TOX3: variants seen among roughly 807,000 people sequenced by gnomAD.
TOX3 encodes the protein TOX high mobility group box family member 3.
In TOX3, 22 loss-of-function variants were observed where a neutral mutation model predicts 64.3. The observed-to-expected ratio is 0.34, with a 90% CI of 0.24 to 0.49. The LOEUF is 0.49. Among genes scored for constraint, TOX3 ranks in the 20% least tolerant of loss-of-function variants. TOX3 has a pLI of 0.99. For missense variants in TOX3, 661 were observed against 714.4 expected, an observed-to-expected ratio of 0.93 and a Z score of 0.85; for synonymous variants, 291 against 273.6, an observed-to-expected ratio of 1.06 and a Z score of -0.63.
In TOX3 at chr16:52,501,527, G is replaced by A. The variant is rs573785460; in HGVS notation, c.88-32953C>T. Among the ~76,000 whole-genome samples the A allele has an allele frequency of 4.6e-5, 7 of 152,042 alleles. No individual in the cohort carries two copies. The East Asian group carries it at 5.8e-4, about 13-fold the overall frequency. Reference sequence around the variant, plus strand: ...TCTACTAAAAATACAAAAATTAGCCGGGCATGGTGGTGATCCCAGCTACTA... The same window carrying A: ...TCTACTAAAAATACAAAAATTAGCCAGGCATGGTGGTGATCCCAGCTACTA... On this transcript the variant is annotated intron_variant, in intron 1 of 6. Transcript: ENST00000219746.
chr16:52,532,016 G>T (rs1340962470), intron 1 of TOX3, among the ~76,000 whole-genome samples: 1 of 152,166 alleles, frequency 6.6e-6, no homozygotes, highest in Non-Finnish European at 1.5e-5. Flanking sequence ...GGGGAGTTTG[G>T]GGGGCAGTGG....
At chr16:52,531,910 T>A (rs1962860034) in intron 1 of TOX3, among the ~76,000 whole-genome samples, 2 of 152,028 alleles carry the variant, frequency 1.3e-5, no homozygotes, top group Admixed American at 6.6e-5. Flanking sequence ...ACATGAAGAC[T>A]CCCTGGACTA....
At chr16:52,486,203 A>G (rs904895521) in intron 1 of TOX3, among the ~76,000 whole-genome samples, 1 of 152,100 alleles carries the variant, frequency 6.6e-6, no homozygotes, top group East Asian at 1.9e-4. Flanking sequence ...CTAGAGGAGA[A>G]CCCTGAAGAA....
intron 1 of TOX3, among the ~76,000 whole-genome samples, chr16:52,471,622 T>C (rs1268644829): frequency 6.6e-6 from 1 of 152,166 alleles, no homozygotes; most frequent in Non-Finnish European, 1.5e-5. Flanking sequence ...CTAGTATTTG[T>C]TGAAGGGAGA....
Position 52,490,471 on chromosome 16 carries a change from G to A in TOX3, c.88-21897C>T, listed in dbSNP as rs754722029. Among the ~76,000 whole-genome samples the A allele has an allele frequency of 2.0e-5, 3 of 151,896 alleles. No individual in the cohort carries two copies. The South Asian group carries it at 6.3e-4, about 32-fold the overall frequency. ...ATTGTTTAAAATAATGGAAAATACT[G>A]GAAAGCCTGAGGACTAACACAAAAG... On this transcript the variant is annotated intron_variant, in intron 1 of 6. Transcript: ENST00000219746.
chr16:52,504,796 A>G (rs1962114210), intron 1 of TOX3, among the ~76,000 whole-genome samples: 1 of 151,670 alleles, frequency 6.6e-6, no homozygotes, highest in African/African-American at 2.4e-5. Context: ...AATGGCAGTC[A>G]CTGGAGATAT....
chr16:52,444,100 C>T (rs1237965701), intron 6 of TOX3, among the ~76,000 whole-genome samples, 176 bp downstream of exon 6: 2 of 152,156 alleles, frequency 1.3e-5, no homozygotes, highest in Non-Finnish European at 2.9e-5. Flanking sequence ...CTTAAATTAA[C>T]TCATATTTTC....
intron 1 of TOX3, among the ~76,000 whole-genome samples, chr16:52,499,482 T>C (rs1961946376): frequency 6.6e-6 from 1 of 152,200 alleles, no homozygotes. Context: ...AATGAGATGA[T>C]GCTAGGGAAA....
At chr16:52,471,310 T>C (rs1961039948) in intron 1 of TOX3, among the ~76,000 whole-genome samples, 1 of 152,180 alleles carries the variant, frequency 6.6e-6, no homozygotes, top group African/African-American at 2.4e-5. Flanking sequence ...AATGCTAGCT[T>C]GATCTTATTT....
intron 1 of TOX3, among the ~76,000 whole-genome samples, chr16:52,523,294 G>A (rs1045442738): frequency 5.9e-5 from 9 of 152,118 alleles, no homozygotes; most frequent in Non-Finnish European, 8.8e-5. Flanking sequence ...CAAGAAGAGC[G>A]GGGTATGTGG....
chr16:52,489,270 CT>C (rs1275717536), intron 1 of TOX3, among the ~76,000 whole-genome samples: 1 of 152,118 alleles, frequency 6.6e-6, no homozygotes, highest in Non-Finnish European at 1.5e-5. Flanking sequence ...TGCTGAGCCC[CT>C]CTCAAATTAA....
At chr16:52,472,767 T>A (rs556252787) in intron 1 of TOX3, among the ~76,000 whole-genome samples, 2 of 152,182 alleles carry the variant, frequency 1.3e-5, no homozygotes. Context: ...TAAAGACACA[T>A]AAATGGTCAC....
chr16:52,536,408 C>A (rs1387186550), intron 1 of TOX3, among the ~76,000 whole-genome samples: 1 of 150,256 alleles, frequency 6.7e-6, no homozygotes. Context: ...GGAGAGGGCT[C>A]TAGACAGAGA....
At position 52,525,449 on chromosome 16, in the gene TOX3, G is replaced by A. The variant is rs188242424; in HGVS notation, c.87+21188C>T. On this transcript the variant is annotated intron_variant, in intron 1 of 6. Transcript: ENST00000219746. ...AACACTTGCTAAGAGCATGCATCCT[G>A]CAGTCAGTAACATTACCATCTATAC... is the stretch of plus-strand genomic sequence containing the variant. 3.9e-5 allele frequency among the ~76,000 whole-genome samples: 6 copies of A among 152,288 alleles called. No homozygotes were observed. In the East Asian group the frequency reaches 5.8e-4, roughly 15 times the overall value.
intron 1 of TOX3, among the ~76,000 whole-genome samples, chr16:52,491,358 T>G (rs1199531424): frequency 6.6e-6 from 1 of 152,152 alleles, no homozygotes; most frequent in African/African-American, 2.4e-5. Context: ...TCTTTCTTCC[T>G]AATTAAGCTG....
chr16:52,460,838 G>A (rs1960666838), intron 3 of TOX3, among the ~76,000 whole-genome samples: 1 of 152,152 alleles, frequency 6.6e-6, no homozygotes, highest in African/African-American at 2.4e-5. Flanking sequence ...TGCACTGTGG[G>A]TATTCAAAAC....
chr16:52,484,527 AAAT>A (rs1369320430), intron 1 of TOX3, among the ~76,000 whole-genome samples: 1 of 152,212 alleles, frequency 6.6e-6, no homozygotes, highest in Non-Finnish European at 1.5e-5. Flanking sequence ...TAAATTCTGA[AAAT>A]AACAAACAGC....
At chr16:52,457,571 C>G (rs1386214701) in intron 3 of TOX3, among the ~76,000 whole-genome samples, 1 of 152,112 alleles carries the variant, frequency 6.6e-6, no homozygotes, top group Non-Finnish European at 1.5e-5. Context: ...AAACAATTAT[C>G]AGCAATAAAA....
intron 2 of TOX3, among the ~76,000 whole-genome samples, 182 bp from the exon 3 acceptor site, chr16:52,464,370 A>AT (rs1213903435): frequency 1.3e-5 from 2 of 152,200 alleles, no homozygotes. Flanking sequence ...GATCATTCTG[A>AT]TTAAAGATTT....
Sources: gnomAD v4.1 joint callset for allele counts (sites outside exome capture counted in the v4.1 genomes callset) on GRCh38, gnomAD v4.1.1 for gene constraint, MANE v1.5 for transcripts, NCBI Gene and HGNC (gene_info 2026-07-23, HGNC 2026-07-21) for gene names.